Variants in CEP63 observed in about 807,000 individuals in gnomAD.
CEP63 encodes centrosomal protein 63, also known as centrosomal protein of 63 kDa.
A neutral mutation model predicts 89.1 loss-of-function variants in CEP63; 84 were observed. The ratio of observed to expected loss-of-function variants is 0.94; its 90% CI spans 0.79 to 1.13. The LOEUF (loss-of-function observed/expected upper bound fraction) is 1.13, where lower values mean the gene tolerates loss of function less well. CEP63 is among the 50% of genes most tolerant of loss of function. The pLI is 0.00. For synonymous variants in CEP63, 267 were observed against 272.5 expected, an observed-to-expected ratio of 0.98 and a Z score of 0.20; for missense variants, 838 against 813.3, an observed-to-expected ratio of 1.03 and a Z score of -0.37.
At chr3:134,755,016 C>G in the CEP63 span, among the ~76,000 whole-genome samples, 4 of 152,140 alleles carry the variant, frequency 2.6e-5, no homozygotes, top group African/African-American at 9.7e-5. Context: ...GGTCCCTGGG[C>G]AGCTGGGCTT....
the CEP63 span, among the ~76,000 whole-genome samples, chr3:134,776,637 C>T: frequency 6.6e-6 from 1 of 152,126 alleles, no homozygotes; most frequent in Non-Finnish European, 1.5e-5. Flanking sequence ...GGAGTACACG[C>T]TCTTCTTGGT....
the CEP63 span, among the ~76,000 whole-genome samples, chr3:134,730,207 G>A: frequency 6.6e-6 from 1 of 152,180 alleles, no homozygotes; most frequent in African/African-American, 2.4e-5. Flanking sequence ...TATCCCATAT[G>A]ATAATTTTAT....
chr3:134,745,544 A>G, the CEP63 span, among the ~76,000 whole-genome samples: 2 of 152,150 alleles, frequency 1.3e-5, no homozygotes, highest in Non-Finnish European at 2.9e-5. Flanking sequence ...TAAAATTATT[A>G]TTATTATACT....
intron 3 of CEP63, among the ~76,000 whole-genome samples, chr3:134,525,665 C>G (rs1948496666): frequency 6.6e-6 from 1 of 152,102 alleles, no homozygotes; most frequent in Non-Finnish European, 1.5e-5. Context: ...TGTTAATGCT[C>G]TTTGCTTTCC....
chr3:134,503,544 A>G (rs1576821638), intron 2 of CEP63, among the ~76,000 whole-genome samples: 1 of 152,068 alleles, frequency 6.6e-6, no homozygotes, highest in Non-Finnish European at 1.5e-5. Flanking sequence ...GTGTAGAACA[A>G]ACTGGATGTT....
chr3:134,606,929 C>T, the CEP63 span: 2 of 985,264 alleles, frequency 2.0e-6, no homozygotes, highest in Non-Finnish European at 2.4e-6. Context: ...CTCAGTTTCC[C>T]TATTTTGTTT....
chr3:134,599,343 C>T, the CEP63 span, among the ~76,000 whole-genome samples: 5 of 152,134 alleles, frequency 3.3e-5, no homozygotes, highest in East Asian at 1.9e-4. Flanking sequence ...GATCTAGCAG[C>T]GAGAGACATG....
the CEP63 span, among the ~76,000 whole-genome samples, chr3:134,679,576 T>G: frequency 2.6e-5 from 4 of 152,236 alleles, no homozygotes; most frequent in Admixed American, 6.5e-5. Flanking sequence ...TATTATGGAC[T>G]GGCTTGTATC....
At chr3:134,634,896 A>G in the CEP63 span, among the ~76,000 whole-genome samples, 1 of 152,316 alleles carries the variant, frequency 6.6e-6, no homozygotes, top group Non-Finnish European at 1.5e-5. Flanking sequence ...AATAGTGATA[A>G]TATCATATGC....
the CEP63 span, among the ~76,000 whole-genome samples, chr3:134,605,445 A>G: frequency 1.3e-5 from 2 of 152,174 alleles, no homozygotes; most frequent in African/African-American, 4.8e-5. Context: ...GGGAGGCAGA[A>G]CACTGTGCCT....
At chr3:134,568,396 G>T (rs761244309), downstream of CEP63, among the ~76,000 whole-genome samples, 2 of 152,190 alleles carry the variant, frequency 1.3e-5, no homozygotes, top group Non-Finnish European at 2.9e-5. Flanking sequence ...TCAGCCACAG[G>T]CAAGCATAGC....
At chr3:134,601,384 T>C in the CEP63 span, among the ~76,000 whole-genome samples, 1 of 152,222 alleles carries the variant, frequency 6.6e-6, no homozygotes. Context: ...TGATTAATTA[T>C]ATTGCATATC....
chr3:134,622,455 G>A, the CEP63 span, among the ~76,000 whole-genome samples: 7,594 of 152,224 alleles, frequency 0.05, 236 homozygotes, highest in Non-Finnish European at 0.071. Flanking sequence ...AGTGACATAA[G>A]CCAGACACAA....
chr3:134,660,032 T>C, the CEP63 span, among the ~76,000 whole-genome samples: 1 of 152,162 alleles, frequency 6.6e-6, no homozygotes, highest in African/African-American at 2.4e-5. Flanking sequence ...CCTTATTAAG[T>C]TGGAAAGGAT....
the CEP63 span, among the ~76,000 whole-genome samples, chr3:134,643,966 A>G: frequency 6.6e-6 from 1 of 151,992 alleles, no homozygotes; most frequent in Non-Finnish European, 1.5e-5. Flanking sequence ...AGCTGGGACT[A>G]CAGGTGCCCG....
At chr3:134,603,840 C>G in the CEP63 span, 1 of 1,613,998 alleles carries the variant, frequency 6.2e-7, no homozygotes, top group Non-Finnish European at 8.5e-7. Flanking sequence ...TGTCCTGTCC[C>G]CAGTTGCCAA....
the CEP63 span, among the ~76,000 whole-genome samples, chr3:134,728,328 C>A: frequency 5.3e-5 from 8 of 152,052 alleles, no homozygotes; most frequent in African/African-American, 1.9e-4. Context: ...TTTTTCCTAA[C>A]CATCGAGCCA....
intron 2 of CEP63, among the ~76,000 whole-genome samples, chr3:134,503,098 A>ATTTTT (rs1209684060): frequency 1.3e-5 from 1 of 75,242 alleles, no homozygotes; most frequent in East Asian, 4.8e-4. Flanking sequence ...TGTGATTTCA[A>ATTTTT]TCTTTTTTTT....
intron 2 of CEP63, among the ~76,000 whole-genome samples, chr3:134,499,820 C>CTTTTTTTTTTTTTTTTTTTTT (rs747946881): frequency 1.0e-5 from 1 of 99,128 alleles, no homozygotes; most frequent in Non-Finnish European, 1.9e-5. Flanking sequence ...CCATCTTCAT[C>CTTTTTTTTTTTTTTTTTTTTT]TTTTTTTTTT....
Sources: allele counts gnomAD v4.1 joint callset (sites outside exome capture counted in the v4.1 genomes callset), GRCh38; gene constraint gnomAD v4.1.1; transcripts MANE v1.5; gene names NCBI Gene and HGNC (gene_info 2026-07-23, HGNC 2026-07-21).